The following ASIC5 variants were observed in gnomAD, a reference collection of about 807,000 sequenced individuals.
The protein encoded by ASIC5 is bile acid-sensitive ion channel.
A neutral mutation model predicts 51.2 loss-of-function variants in ASIC5; 52 were observed. The observed-to-expected ratio is 1.02, with a 90% CI of 0.81 to 1.28. ASIC5 has a LOEUF of 1.28. ASIC5 is among the 50% of genes most tolerant of loss of function. The pLI is 0.00. For synonymous variants in ASIC5, 231 were observed against 200.7 expected, an observed-to-expected ratio of 1.15 and a Z score of -1.28; for missense variants, 635 against 595.0, an observed-to-expected ratio of 1.07 and a Z score of -0.70.
intron 9 of ASIC5, among the ~76,000 whole-genome samples, chr4:155,831,176 G>C (rs931835352): frequency 3.3e-5 from 5 of 152,270 alleles, no homozygotes; most frequent in Non-Finnish European, 4.4e-5. Context: ...CTAGGGTAGA[G>C]CCCTGTGTGG....
At chr4:155,865,116 G>A (rs1241859551) in intron 1 of ASIC5, 2 of 151,780 alleles carry the variant, frequency 1.3e-5, no homozygotes, top group African/African-American at 2.4e-5. Flanking sequence ...TTTTCTAAGG[G>A]AGTCCATTTC....
Position 155,829,977 on chromosome 4 carries a change from T to G in ASIC5, c.1397A>C (p.Tyr466Ser). The G allele has an allele frequency of 6.2e-7, 1 of 1,601,250 alleles. No individual in the cohort carries two copies. The highest frequency in any genetic ancestry group is 8.5e-7 in the Non-Finnish European group (1 of 1,173,418). Residue 466 changes from tyrosine (Y) to serine (S), a missense_variant, in exon 10 of 10, where the codon TAT becomes TCT. Tyr to Ser is a moderately radical substitution (Grantham distance 144). Transcript: ENST00000537611. ...SLITIIEIIE[Y>S]LFTNFYWICI... ...TATCCAGTAGAAATTGGTGAATAGA[T>G]ATTCAATAATTTCTATGATCGTGAT...
chr4:155,837,879 C>T (rs2111231225), intron 7 of ASIC5, among the ~76,000 whole-genome samples: 1 of 152,110 alleles, frequency 6.6e-6, no homozygotes, highest in East Asian at 1.9e-4. Context: ...ACCTCCTTAT[C>T]CCACAACAGT....
intron 7 of ASIC5, among the ~76,000 whole-genome samples, chr4:155,838,318 A>G (rs1560741707): frequency 6.6e-6 from 1 of 151,952 alleles, no homozygotes; most frequent in Non-Finnish European, 1.5e-5. Context: ...CAAAAAAAAG[A>G]GGGGGCTCTT....
At chr4:155,830,563 G>C (rs1740850900) in intron 9 of ASIC5, among the ~76,000 whole-genome samples, 1 of 152,004 alleles carries the variant, frequency 6.6e-6, no homozygotes, top group South Asian at 2.1e-4. Flanking sequence ...TATATTTACT[G>C]TTTGTGCTTT....
At chr4:155,836,611 C>A in intron 8 of ASIC5, 78 bp downstream of exon 8, 2 of 861,534 alleles carry the variant, frequency 2.3e-6, no homozygotes, top group Non-Finnish European at 3.5e-6. Context: ...ATTTCATTTC[C>A]TGAGTCTTTG....
chr4:155,845,398 G>A (rs940370576), intron 4 of ASIC5, among the ~76,000 whole-genome samples: 40 of 101,998 alleles, frequency 3.9e-4, no homozygotes, highest in African/African-American at 1.1e-3. Flanking sequence ...TCTTTTTTTT[G>A]AGCAAAAGTT....
Position 155,829,794 on chromosome 4 carries a change from G to A in ASIC5, c.*62C>T. ...AACTATAGAAAAGTGACGTAACAAT[G>A]AATTAGTCAAGATAAATCTGAAGGT... is the stretch of plus-strand genomic sequence containing the variant. On this transcript the variant is annotated 3_prime_UTR_variant, in exon 10 of 10. Coordinates refer to ENST00000537611, the MANE Select transcript of ASIC5 (RefSeq NM_017419.3). The A allele has an allele frequency of 9.4e-7, 1 of 1,064,636 alleles. No individual in the cohort carries two copies. The highest frequency in any genetic ancestry group is 1.3e-6 in the Non-Finnish European group (1 of 757,298). The allele number at this position is 1,064,636 out of a possible 1,614,324, so 65.9% of individuals were successfully genotyped here.
chr4:155,829,996 T>C lies in ASIC5; in HGVS notation c.1378A>G (p.Ile460Val), dbSNP rs1411771641. The change falls in exon 10 of 10, where the codon ATC becomes GTC. Residue 460 changes from isoleucine (I) to valine (V), a missense_variant. By Grantham distance (29) the Ile-to-Val change is conservative. Transcript: ENST00000537611. ...AATAGATATTCAATAATTTCTATGA[T>C]CGTGATCAGACTGGCCCCACAAAAT... The part of the protein sequence containing the change: ...GLFCGASLIT[I>V]IEIIEYLFTN... 3 of 1,597,170 alleles carry C rather than the reference T, an allele frequency of 1.9e-6. No homozygotes were observed. The highest frequency in any genetic ancestry group is 2.6e-6 in the Non-Finnish European group (3 of 1,171,360).
chr4:155,839,237 T>C (rs1400550019), intron 6 of ASIC5, among the ~76,000 whole-genome samples: 1 of 152,108 alleles, frequency 6.6e-6, no homozygotes, highest in Non-Finnish European at 1.5e-5. Context: ...AGAATTTTCA[T>C]TTTACAGATA....
chr4:155,863,600 C>T lies in ASIC5; in HGVS notation c.195G>A (p.Trp65Ter), dbSNP rs767465913. The change falls in exon 2 of 10, where the codon TGG becomes TGA. Residue 65 changes from tryptophan (W) to a stop codon, truncating the protein, a stop_gained. Coordinates refer to ENST00000537611, the MANE Select transcript of ASIC5 (RefSeq NM_017419.3). LOFTEE classifies it high-confidence loss of function. Reference sequence around the variant, plus strand: ...AGACTGAGCCCAGAACCACCACCAACCAGAGCACCCTGCGAATTTTGCTCC... The same window carrying T: ...AGACTGAGCCCAGAACCACCACCAATCAGAGCACCCTGCGAATTTTGCTCC... ...QNRSKIRRVL[W>*]LVVVLGSVSL... The T allele has an allele frequency of 4.3e-6, 7 of 1,613,810 alleles. No homozygotes were observed. Among genetic ancestry groups the T allele is most frequent in the Non-Finnish European group, 1.7e-6 (2 of 1,179,906 alleles).
rs777476458 is a variant in ASIC5, at chr4:155,843,695, T to C, written c.847A>G (p.Ile283Val). 5.6e-6 allele frequency: 9 copies of C among 1,613,492 alleles called. No individual in the cohort carries two copies. The highest frequency in any genetic ancestry group is 7.6e-6 in the Non-Finnish European group (9 of 1,179,632). The change falls in exon 5 of 10, where the codon ATC (isoleucine) becomes GTC (valine). Residue 283 changes from isoleucine (I) to valine (V), a missense_variant. Transcript: ENST00000537611. The part of the protein sequence containing the change: ...SPVGMHARVT[I>V]RQVKTVHQEY... ...CGAGTATTTACCTTCACTTGGCGGATGGTTACCCTTGCGTGCATTCCCACA... is the reference window on the plus strand; with the variant it reads ...CGAGTATTTACCTTCACTTGGCGGACGGTTACCCTTGCGTGCATTCCCACA...
intron 6 of ASIC5, among the ~76,000 whole-genome samples, chr4:155,839,761 A>G (rs1741075027): frequency 6.6e-6 from 1 of 151,982 alleles, no homozygotes; most frequent in Admixed American, 6.6e-5. Context: ...TTAGGAAAAA[A>G]CCTCATTTTT....
chr4:155,854,624 G>A (rs1377037221), intron 2 of ASIC5: 2 of 334,758 alleles, frequency 6.0e-6, no homozygotes, highest in Admixed American at 4.6e-5. Flanking sequence ...ATGCATTTAG[G>A]AGCCAGATTT....
At position 155,830,049 on chromosome 4, in the gene ASIC5, G is replaced by A; in HGVS notation, c.1328-3C>T. ...ACCCAGCTGACCACCAAGATCTGCT[G>A]TAATAAAACCAATAAAGATTGAATG... On this transcript the variant is annotated splice_region_variant and splice_polypyrimidine_tract_variant and intron_variant, in intron 9 of 9. Transcript: ENST00000537611. 4 of 1,519,180 alleles carry A rather than the reference G, an allele frequency of 2.6e-6. No homozygotes were observed. The highest frequency in any genetic ancestry group is 1.4e-5 in the African/African-American group (1 of 70,118). 94.1% of individuals were successfully genotyped at this position (1,519,180 alleles called of 1,614,324 possible).
chr4:155,842,967 G>T (rs936409802), intron 5 of ASIC5, among the ~76,000 whole-genome samples: 2 of 152,094 alleles, frequency 1.3e-5, no homozygotes, highest in African/African-American at 4.8e-5. Flanking sequence ...GAGAGGCCAG[G>T]CTCCTCCCCA....
chr4:155,855,738 AC>A (rs1271240177), intron 2 of ASIC5, among the ~76,000 whole-genome samples: 10 of 149,850 alleles, frequency 6.7e-5, no homozygotes. Context: ...GTATATATAT[AC>A]ATATATATAA....
At chr4:155,841,405 AT>A (rs1283774855) in intron 6 of ASIC5, among the ~76,000 whole-genome samples, 1 of 152,138 alleles carries the variant, frequency 6.6e-6, no homozygotes, top group African/African-American at 2.4e-5. Flanking sequence ...TGGGATTATT[AT>A]CCCCTCCTCC....
At chr4:155,835,961 A>G (rs1740969682) in intron 8 of ASIC5, among the ~76,000 whole-genome samples, 1 of 152,246 alleles carries the variant, frequency 6.6e-6, no homozygotes, top group Admixed American at 6.5e-5. Context: ...TAATAGATAT[A>G]ACTACAAATA....
Sources: gnomAD v4.1 joint callset for allele counts (sites outside exome capture counted in the v4.1 genomes callset) on GRCh38, gnomAD v4.1.1 for gene constraint, MANE v1.5 for transcripts, NCBI Gene and HGNC (gene_info 2026-07-23, HGNC 2026-07-21) for gene names.